PRR16: variants seen among roughly 807,000 people sequenced by gnomAD.
PRR16 encodes protein Largen.
PRR16 carries 6 observed loss-of-function variants against 18.2 expected under a neutral mutation model. The ratio of observed to expected loss-of-function variants is 0.33; its 90% CI spans 0.18 to 0.65. The LOEUF is 0.65. PRR16 is among the 30% of genes least tolerant of loss of function. The pLI is 0.74. For missense variants in PRR16, 412 were observed against 376.6 expected, an observed-to-expected ratio of 1.09 and a Z score of -0.78; for synonymous variants, 151 against 147.8, an observed-to-expected ratio of 1.02 and a Z score of -0.16.
At chr5:120,623,065 G>A (rs545444409) in intron 1 of PRR16, among the ~76,000 whole-genome samples, 55 of 152,026 alleles carry the variant, frequency 3.6e-4, no homozygotes, top group Admixed American at 2.4e-3. Flanking sequence ...GACTTCAGAC[G>A]CATTTTATTA....
At chr5:120,738,988 A>C in the PRR16 span, among the ~76,000 whole-genome samples, 1 of 152,146 alleles carries the variant, frequency 6.6e-6, no homozygotes, top group African/African-American at 2.4e-5. Context: ...TACATACTAC[A>C]TTTAGCACTC....
At chr5:120,741,219 T>G in the PRR16 span, among the ~76,000 whole-genome samples, 1 of 152,030 alleles carries the variant, frequency 6.6e-6, no homozygotes, top group African/African-American at 2.4e-5. Flanking sequence ...TTCTAATAAT[T>G]TACATGTAAA....
chr5:120,473,498 G>A (rs2601208), intron 1 of PRR16, among the ~76,000 whole-genome samples: 47,074 of 151,984 alleles, frequency 0.31, 8,232 homozygotes, highest in African/African-American at 0.47. Flanking sequence ...GATAGTGACA[G>A]TGTTATGTGC....
intron 1 of PRR16, among the ~76,000 whole-genome samples, chr5:120,541,127 T>C (rs1048441510): frequency 6.6e-6 from 1 of 152,104 alleles, no homozygotes; most frequent in Non-Finnish European, 1.5e-5. Context: ...AATGACTGTT[T>C]CGTTGTTGTT....
chr5:120,674,230 G>T (rs187001181), intron 1 of PRR16, among the ~76,000 whole-genome samples: 2 of 152,170 alleles, frequency 1.3e-5, no homozygotes, highest in Non-Finnish European at 1.5e-5. Flanking sequence ...GCATGCCGCT[G>T]TATATGCTGT....
At chr5:120,785,575 G>GTTGTTTTTTTTTGT in the PRR16 span, among the ~76,000 whole-genome samples, 2 of 115,394 alleles carry the variant, frequency 1.7e-5, no homozygotes, top group African/African-American at 6.8e-5. Context: ...TGTTGTTGTT[G>GTTGTTTTTTTTTGT]TTTTTTTTTT....
At chr5:120,574,320 G>A (rs1753006318) in intron 1 of PRR16, among the ~76,000 whole-genome samples, 1 of 152,032 alleles carries the variant, frequency 6.6e-6, no homozygotes, top group African/African-American at 2.4e-5. Flanking sequence ...AAAGGAGGAT[G>A]TCAGCTGGGC....
intron 1 of PRR16, among the ~76,000 whole-genome samples, chr5:120,664,510 G>C (rs1320008920): frequency 1.3e-5 from 2 of 151,342 alleles, no homozygotes; most frequent in Non-Finnish European, 2.9e-5. Flanking sequence ...ACAATGTGCA[G>C]GTTAGTTACA....
chr5:120,500,902 ATAAAT>A (rs1231045701), intron 1 of PRR16, among the ~76,000 whole-genome samples: 6 of 152,022 alleles, frequency 3.9e-5, no homozygotes, highest in Non-Finnish European at 7.4e-5. Context: ...TTTTTATCTT[ATAAAT>A]TAGATAGAAT....
chr5:120,696,664 T>G, the PRR16 span, among the ~76,000 whole-genome samples: 1 of 152,164 alleles, frequency 6.6e-6, no homozygotes, highest in South Asian at 2.1e-4. Flanking sequence ...TACAAAGTGG[T>G]GTGTTAGTAT....
At chr5:120,624,571 A>G (rs1428779957) in intron 1 of PRR16, among the ~76,000 whole-genome samples, 2 of 152,184 alleles carry the variant, frequency 1.3e-5, no homozygotes, top group Non-Finnish European at 2.9e-5. Flanking sequence ...GACACTGATC[A>G]AATTACTCAA....
At chr5:120,588,630 G>A (rs549959518) in intron 1 of PRR16, among the ~76,000 whole-genome samples, 2 of 152,248 alleles carry the variant, frequency 1.3e-5, no homozygotes, top group African/African-American at 4.8e-5. Flanking sequence ...ACAGTATAAA[G>A]TTGATTTTTA....
Position 120,639,879 on chromosome 5 carries a change from G to A in PRR16, c.160-46075G>A, listed in dbSNP as rs1580818521. Among the ~76,000 whole-genome samples, 5 of 151,716 alleles carry A rather than the reference G, an allele frequency of 3.3e-5. No homozygotes were observed. In the East Asian group the frequency reaches 9.7e-4, roughly 29 times the overall value. On this transcript the variant is annotated intron_variant, in intron 1 of 1. Coordinates refer to ENST00000407149, the MANE Select transcript of PRR16 (RefSeq NM_001300783.2). ...GCATTGTTCATAATAGCAAAGACAT[G>A]GAATCAACCTAGATGTCCATCAACA...
chr5:120,652,421 A>C (rs1406142585), intron 1 of PRR16, among the ~76,000 whole-genome samples: 1 of 152,086 alleles, frequency 6.6e-6, no homozygotes, highest in African/African-American at 2.4e-5. Context: ...GAAAAATAAG[A>C]GAACTTTATA....
intron 1 of PRR16, among the ~76,000 whole-genome samples, chr5:120,613,123 C>A (rs1278866012): frequency 6.6e-6 from 1 of 152,032 alleles, no homozygotes; most frequent in Non-Finnish European, 1.5e-5. Flanking sequence ...CAAATATTTG[C>A]CCATGAGTTT....
intron 1 of PRR16, among the ~76,000 whole-genome samples, chr5:120,629,857 C>A (rs1754996836): frequency 6.6e-6 from 1 of 150,926 alleles, no homozygotes; most frequent in African/African-American, 2.4e-5. Flanking sequence ...AATATTAACC[C>A]ATTATTTTCT....
the PRR16 span, among the ~76,000 whole-genome samples, chr5:120,709,734 A>G: frequency 6.6e-6 from 1 of 152,038 alleles, no homozygotes; most frequent in Admixed American, 6.5e-5. Context: ...AGAACATAGG[A>G]TAGTTGTCTT....
chr5:120,592,983 C>T (rs1253781823), intron 1 of PRR16, among the ~76,000 whole-genome samples: 1 of 151,870 alleles, frequency 6.6e-6, no homozygotes, highest in Non-Finnish European at 1.5e-5. Context: ...AACTTTGTTA[C>T]CCATACCAGA....
At chr5:120,496,659 T>A (rs1750256411) in intron 1 of PRR16, among the ~76,000 whole-genome samples, 1 of 151,998 alleles carries the variant, frequency 6.6e-6, no homozygotes, top group Non-Finnish European at 1.5e-5. Context: ...AAAAGGGCTC[T>A]ATATTTGATT....
Sources: allele counts gnomAD v4.1 joint callset (sites outside exome capture counted in the v4.1 genomes callset), GRCh38; gene constraint gnomAD v4.1.1; transcripts MANE v1.5; gene names NCBI Gene and HGNC (gene_info 2026-07-23, HGNC 2026-07-21).